NUP93: variants seen among roughly 807,000 people sequenced by gnomAD.
NUP93 encodes the protein nuclear pore complex protein Nup93.
NUP93 carries 55 observed loss-of-function variants against 107.8 expected under a neutral mutation model. The ratio of observed to expected loss-of-function variants is 0.51; its 90% CI spans 0.41 to 0.64. The LOEUF is 0.64. Ranked by LOEUF, NUP93 falls within the 30% of genes least tolerant of loss-of-function variation. The probability of loss-of-function intolerance (pLI) is 0.00; values close to 1 mark genes in which losing one functional copy is unlikely to be tolerated. For synonymous variants in NUP93, 390 were observed against 397.5 expected (o/e 0.98, Z 0.22); for missense variants, 937 against 1,044.7 (o/e 0.90, Z 1.42).
In NUP93 at chr16:56,847,744, C is replaced by T. The variant is rs796474216; in HGVS notation, c.*3135C>T. The T allele has an allele frequency of 4.6e-5, 7 of 152,284 alleles. No homozygotes were observed. The highest frequency in any genetic ancestry group is 1.7e-4 in the African/African-American group (7 of 41,560). 9.4% of individuals were successfully genotyped at this position (152,284 alleles called of 1,614,324 possible). A position where few individuals can be genotyped will look rare whatever the true frequency, so the allele number is the denominator to read the frequency against. ...GATGCCTTCCTTTTTCACTCACGAG[C>T]TGGGCGGGCTCATCAAAGAGCAGGA... On this transcript the variant is annotated 3_prime_UTR_variant, in exon 22 of 22. Coordinates refer to ENST00000308159, the MANE Select transcript of NUP93 (RefSeq NM_014669.5).
chr16:56,808,146 CTA>C (rs1193131614), intron 5 of NUP93, among the ~76,000 whole-genome samples: 2 of 85,016 alleles, frequency 2.4e-5, no homozygotes, highest in Non-Finnish European at 4.6e-5. Context: ...ATTTATATAA[CTA>C]TATATAATAT....
Position 56,847,267 on chromosome 16 carries a change from C to CA in NUP93, c.*2659dup, listed in dbSNP as rs1964127106. 1 of 152,218 alleles carries CA rather than the reference C, an allele frequency of 6.6e-6. No individual in the cohort carries two copies. Among genetic ancestry groups the CA allele is most frequent in the Non-Finnish European group, 1.5e-5 (1 of 68,046 alleles). The allele number at this position is 152,218 out of a possible 1,614,324, so 9.4% of individuals were successfully genotyped here. Reference sequence around the variant, plus strand: ...GGCTGAATTTGCAAGGCCACAACATCAGGTTGTCATGTACCCATCATTACA... The same window carrying CA: ...GGCTGAATTTGCAAGGCCACAACATCAAGGTTGTCATGTACCCATCATTACA... On this transcript the variant is annotated 3_prime_UTR_variant, in exon 22 of 22. Transcript: ENST00000308159.
chr16:56,782,303 A>G, intron 3 of NUP93: 1 of 751,670 alleles, frequency 1.3e-6, no homozygotes, highest in Non-Finnish European at 1.6e-6. Flanking sequence ...CCTCTGAAAG[A>G]CAAGGTCTTG....
intron 3 of NUP93, among the ~76,000 whole-genome samples, chr16:56,762,334 G>A (rs544613768): frequency 6.6e-6 from 1 of 152,272 alleles, no homozygotes; most frequent in Admixed American, 6.5e-5. Flanking sequence ...AGAAGTCTGT[G>A]CAGAAATAGC....
chr16:56,840,824 C>T (rs1964009960), intron 20 of NUP93, among the ~76,000 whole-genome samples: 1 of 152,070 alleles, frequency 6.6e-6, no homozygotes, highest in Admixed American at 6.6e-5. Context: ...GGTAAAATCC[C>T]ATCTCTACTA....
intron 3 of NUP93, among the ~76,000 whole-genome samples, chr16:56,771,326 G>C (rs1294992246): frequency 5.3e-5 from 8 of 152,200 alleles, no homozygotes; most frequent in Non-Finnish European, 1.2e-4. Flanking sequence ...TTGAGACTAA[G>C]ATAGATTAGT....
At chr16:56,830,093 T>A (rs1041567825) in intron 9 of NUP93, among the ~76,000 whole-genome samples, 2 of 152,236 alleles carry the variant, frequency 1.3e-5, no homozygotes, top group African/African-American at 2.4e-5. Context: ...TATGACGTTT[T>A]ATAAACTTGA....
At position 56,827,474 on chromosome 16, in the gene NUP93, A is replaced by AGCCCCAC. The variant is rs1468670400; in HGVS notation, c.795-1503_795-1502insGCCCCAC. Among the ~76,000 whole-genome samples, 4 of 152,330 alleles carry AGCCCCAC rather than the reference A, an allele frequency of 2.6e-5. No homozygotes were observed. The East Asian group carries it at 7.7e-4, about 29-fold the overall frequency. Reference sequence around the variant, plus strand: ...TGTATTGCCCCACAGACTACTTATTAAGTACAAAGAGAATAATAAATTGTA... The same window carrying AGCCCCAC: ...TGTATTGCCCCACAGACTACTTATTAGCCCCACAGTACAAAGAGAATAATAAATTGTA... On this transcript the variant is annotated intron_variant, in intron 8 of 21. Transcript: ENST00000308159.
chr16:56,830,578 G>T lies in NUP93; in HGVS notation c.978G>T (p.Met326Ile), dbSNP rs777511270. The change falls in exon 10 of 22, where the codon ATG (methionine) becomes ATT (isoleucine). Residue 326 changes from methionine (M) to isoleucine (I), a missense_variant. Coordinates refer to ENST00000308159, the MANE Select transcript of NUP93 (RefSeq NM_014669.5). The stretch of plus-strand genomic sequence containing the variant: ...TGTGGGCGCTAATTTACTACTGCAT[G>T]CGCTGTGGAGACCTGCTTGCCGCTT... ...HPVWALIYYCMRCGDLLAASQ... is the reference protein window; with the variant it reads ...HPVWALIYYCIRCGDLLAASQ... 1 of 1,609,726 alleles carries T rather than the reference G, an allele frequency of 6.2e-7. No homozygotes were observed. Among genetic ancestry groups the T allele is most frequent in the Non-Finnish European group, 8.5e-7 (1 of 1,176,368 alleles).
intron 4 of NUP93, among the ~76,000 whole-genome samples, chr16:56,804,235 A>G (rs1402516292): frequency 1.3e-5 from 2 of 152,216 alleles, no homozygotes; most frequent in African/African-American, 4.8e-5. Flanking sequence ...ACCCAGAAGA[A>G]TTGAAAGCAG....
In NUP93 at chr16:56,844,802, TCTTTGAAA is replaced by T; in HGVS notation, c.*194_*201del. On this transcript the variant is annotated 3_prime_UTR_variant, in exon 22 of 22. Coordinates refer to ENST00000308159, the MANE Select transcript of NUP93 (RefSeq NM_014669.5). ...CATTCTTTTATTTTCTTTTTTTTTTTCTTTGAAATTTTGTTTACATTTTTATTTGTGTA... is the reference window on the plus strand; with the variant it reads ...CATTCTTTTATTTTCTTTTTTTTTTTTTTTGTTTACATTTTTATTTGTGTA... 1 of 309,198 alleles carries T rather than the reference TCTTTGAAA, an allele frequency of 3.2e-6. No homozygotes were observed. The highest frequency in any genetic ancestry group is 5.8e-6 in the Non-Finnish European group (1 of 173,800). 19.2% of individuals were successfully genotyped at this position (309,198 alleles called of 1,614,324 possible).
chr16:56,748,720 T>G (rs535602784), intron 2 of NUP93, among the ~76,000 whole-genome samples: 2 of 152,288 alleles, frequency 1.3e-5, no homozygotes, highest in South Asian at 2.1e-4. Context: ...CAGAAGTTCC[T>G]GCTTGGGTTC....
At chr16:56,794,034 G>A (rs55995508) in intron 3 of NUP93, among the ~76,000 whole-genome samples, 3,328 of 151,934 alleles carry the variant, frequency 0.022, 58 homozygotes, top group Non-Finnish European at 0.034. Context: ...TAGCCTGGGT[G>A]GCAGAGCGAG....
Position 56,833,209 on chromosome 16 carries a change from T to G in NUP93, c.1346-6T>G, listed in dbSNP as rs1963832184. 3 of 1,597,202 alleles carry G rather than the reference T, an allele frequency of 1.9e-6. No homozygotes were observed. Among genetic ancestry groups the G allele is most frequent in the Non-Finnish European group, 2.6e-6 (3 of 1,174,316 alleles). The stretch of plus-strand genomic sequence containing the variant: ...GTTTTATCTCCTCTCCTCTCCTCTC[T>G]CCCAGGCGAGTCCCACTTTACGGTG... On this transcript the variant is annotated splice_polypyrimidine_tract_variant and splice_region_variant and intron_variant, in intron 12 of 21. Transcript: ENST00000308159.
At chr16:56,832,454 C>A in intron 12 of NUP93, 66 bp downstream of exon 12, 2 of 1,318,258 alleles carry the variant, frequency 1.5e-6, no homozygotes, top group Non-Finnish European at 2.2e-6. Flanking sequence ...TTCAGTTTTC[C>A]TCTGGGAAAA....
intron 1 of NUP93, among the ~76,000 whole-genome samples, chr16:56,734,663 G>C (rs1405524102): frequency 6.6e-6 from 1 of 152,196 alleles, no homozygotes; most frequent in South Asian, 2.1e-4. Context: ...CAGGATGATA[G>C]TGGTAGAAGA....
At chr16:56,782,334 T>G (rs1033418119) in intron 3 of NUP93, 2 of 461,266 alleles carry the variant, frequency 4.3e-6, no homozygotes, top group Admixed American at 1.3e-4. Context: ...AAATTTGAGA[T>G]AAATTTGGAA....
intron 21 of NUP93, among the ~76,000 whole-genome samples, chr16:56,843,016 C>A (rs1964057204): frequency 6.6e-6 from 1 of 152,154 alleles, no homozygotes; most frequent in South Asian, 2.1e-4. Context: ...TCCACTGTGA[C>A]CCCACAGGCA....
At chr16:56,753,453 G>A (rs1388888488) in intron 2 of NUP93, among the ~76,000 whole-genome samples, 1 of 152,194 alleles carries the variant, frequency 6.6e-6, no homozygotes, top group Non-Finnish European at 1.5e-5. Context: ...AACATTTTCT[G>A]TGGGGAACTA....
Sources: gnomAD v4.1 joint callset for allele counts (sites outside exome capture counted in the v4.1 genomes callset) on GRCh38, gnomAD v4.1.1 for gene constraint, MANE v1.5 for transcripts, NCBI Gene and HGNC (gene_info 2026-07-23, HGNC 2026-07-21) for gene names.